The following STK32B variants were observed in gnomAD, a reference collection of about 807,000 sequenced individuals.
STK32B encodes serine/threonine kinase 32B, also known as serine/threonine-protein kinase 32B.
STK32B carries 43 observed loss-of-function variants against 52.6 expected under a neutral mutation model. The ratio of observed to expected loss-of-function variants is 0.82; its 90% CI spans 0.64 to 1.05. The LOEUF (loss-of-function observed/expected upper bound fraction) is 1.05, where lower values mean the gene tolerates loss of function less well. STK32B is among the 50% of genes least tolerant of loss of function. STK32B has a pLI of 0.00. For synonymous variants in STK32B, 238 were observed against 204.3 expected (o/e 1.17, Z -1.41); for missense variants, 621 against 534.6 (o/e 1.16, Z -1.59).
intron 1 of STK32B, among the ~76,000 whole-genome samples, chr4:5,138,953 C>T (rs1288155161): frequency 2.0e-5 from 3 of 152,126 alleles, no homozygotes; most frequent in Non-Finnish European, 4.4e-5. Flanking sequence ...TTCCTTTTTC[C>T]ACTGAGAGCA....
At chr4:5,166,660 C>T (rs543491496) in intron 2 of STK32B, among the ~76,000 whole-genome samples, 1 of 151,704 alleles carries the variant, frequency 6.6e-6, no homozygotes, top group Non-Finnish European at 1.5e-5. Flanking sequence ...AGAGGAGGAT[C>T]CCCCCAGGAG....
intron 1 of STK32B, among the ~76,000 whole-genome samples, chr4:5,130,937 C>A (rs1715733965): frequency 6.6e-6 from 1 of 152,156 alleles, no homozygotes; most frequent in South Asian, 2.1e-4. Flanking sequence ...TGCTCAGTGT[C>A]TTGTGCTTTT....
rs111490569 is a variant in STK32B at position 5,243,458 on chromosome 4, T to G, written c.260+75008T>G. Reference sequence around the variant, plus strand: ...CCTCAGACTTTGCTGAAGTTGCTCATCAGCTTAAGGAGATTTTGGGCTGAG... The same window carrying G: ...CCTCAGACTTTGCTGAAGTTGCTCAGCAGCTTAAGGAGATTTTGGGCTGAG... On this transcript the variant is annotated intron_variant, in intron 3 of 11. Transcript: ENST00000282908. 1.8e-3 allele frequency among the ~76,000 whole-genome samples: 270 copies of G among 152,352 alleles called. 3 individuals carry two copies. The highest frequency in any genetic ancestry group is 6.1e-3 in the African/African-American group (252 of 41,576).
chr4:5,310,346 A>G (rs1296792705), intron 3 of STK32B, among the ~76,000 whole-genome samples: 1 of 152,186 alleles, frequency 6.6e-6, no homozygotes, highest in Non-Finnish European at 1.5e-5. Context: ...ACAGCAAAAA[A>G]CAAGCAAAGA....
At chr4:5,336,429 C>T (rs895329812) in intron 4 of STK32B, among the ~76,000 whole-genome samples, 6 of 151,862 alleles carry the variant, frequency 4.0e-5, no homozygotes, top group East Asian at 3.9e-4. Context: ...CATCAGGATC[C>T]GAGCAACGAA....
chr4:5,317,222 T>TTAC (rs1731065971), intron 3 of STK32B, among the ~76,000 whole-genome samples: 1 of 45,614 alleles, frequency 2.2e-5, no homozygotes, highest in African/African-American at 2.0e-4. Flanking sequence ...AACATATATA[T>TTAC]ATTATATATA....
At chr4:5,118,061 G>T (rs771985789) in intron 1 of STK32B, among the ~76,000 whole-genome samples, 2 of 152,068 alleles carry the variant, frequency 1.3e-5, no homozygotes, top group African/African-American at 2.4e-5. Flanking sequence ...GGGTAATGCT[G>T]GACTTGTAAA....
chr4:5,146,195 C>T (rs1359230958), intron 2 of STK32B, among the ~76,000 whole-genome samples: 1 of 151,990 alleles, frequency 6.6e-6, no homozygotes, highest in Non-Finnish European at 1.5e-5. Flanking sequence ...GGAGAATTGC[C>T]TCACATGATC....
intron 3 of STK32B, 35 bp downstream of exon 3, chr4:5,168,485 C>A (rs755651720): frequency 2.0e-5 from 31 of 1,587,544 alleles, no homozygotes; most frequent in Admixed American, 1.6e-4. Flanking sequence ...CCTGTGGGTT[C>A]CCCTGTGGGG....
chr4:5,174,335 C>G (rs1263343220), intron 3 of STK32B, among the ~76,000 whole-genome samples: 3 of 152,070 alleles, frequency 2.0e-5, no homozygotes, highest in South Asian at 4.1e-4. Context: ...TGAATTTGAT[C>G]CTGTCATTAT....
At chr4:5,440,295 A>C (rs1008335213) in intron 6 of STK32B, among the ~76,000 whole-genome samples, 3 of 152,112 alleles carry the variant, frequency 2.0e-5, no homozygotes, top group Admixed American at 6.5e-5. Context: ...AGTGGCTTGT[A>C]GTTCTCCTTG....
chr4:5,078,669 T>C (rs1712226056), intron 1 of STK32B, among the ~76,000 whole-genome samples: 1 of 152,160 alleles, frequency 6.6e-6, no homozygotes. Flanking sequence ...AGAGAGAATT[T>C]TGGGGACTGA....
In STK32B at chr4:5,500,963, C is replaced by CTTGT. The variant is rs1232592020; in HGVS notation, c.*1884_*1887dup. ...CCTGGTTCTGTTCAAGTTGGCATTT[C>CTTGT]TTGTTTGGAATAAACTATTTCTTGG... On this transcript the variant is annotated 3_prime_UTR_variant, in exon 12 of 12. Transcript: ENST00000282908. The CTTGT allele has an allele frequency of 6.6e-6, 1 of 150,936 alleles. No individual in the cohort carries two copies. Among genetic ancestry groups the CTTGT allele is most frequent in the East Asian group, 2.0e-4 (1 of 5,020 alleles). 9.3% of individuals were successfully genotyped at this position (150,936 alleles called of 1,614,324 possible).
intron 3 of STK32B, among the ~76,000 whole-genome samples, chr4:5,194,260 A>G (rs1721468317): frequency 6.6e-6 from 1 of 152,190 alleles, no homozygotes. Context: ...CCTAAATAGT[A>G]TCTGGCACAT....
intron 6 of STK32B, chr4:5,436,065 A>G (rs4689227): frequency 0.13 from 19,700 of 152,438 alleles, 1,687 homozygotes; most frequent in East Asian, 0.41. Flanking sequence ...ATGGGCAAGC[A>G]GGGCGGCACA....
intron 4 of STK32B, among the ~76,000 whole-genome samples, chr4:5,354,971 T>C (rs1734076133): frequency 6.6e-6 from 1 of 152,080 alleles, no homozygotes; most frequent in African/African-American, 2.4e-5. Context: ...AGCCAAGAAA[T>C]GCAGACACCT....
At chr4:5,317,426 C>T (rs1253852620) in intron 3 of STK32B, among the ~76,000 whole-genome samples, 1 of 19,198 alleles carries the variant, frequency 5.2e-5, no homozygotes, top group African/African-American at 3.7e-4. Context: ...ATATATAATA[C>T]ATATATATTA....
chr4:5,424,952 C>G (rs1268487349), intron 6 of STK32B, among the ~76,000 whole-genome samples: 1 of 152,260 alleles, frequency 6.6e-6, no homozygotes, highest in East Asian at 1.9e-4. Context: ...TTCTGGGCAC[C>G]ACCAAGTTCC....
chr4:5,048,893 A>T (rs1203036922), upstream of STK32B, among the ~76,000 whole-genome samples: 2 of 152,250 alleles, frequency 1.3e-5, no homozygotes, highest in Non-Finnish European at 2.9e-5. Context: ...TACCAGAGTC[A>T]GGCACATTCT....
Sources: gnomAD v4.1 joint callset for allele counts (sites outside exome capture counted in the v4.1 genomes callset) on GRCh38, gnomAD v4.1.1 for gene constraint, MANE v1.5 for transcripts, NCBI Gene and HGNC (gene_info 2026-07-23, HGNC 2026-07-21) for gene names.